Variants in CYRIA observed in about 807,000 individuals in gnomAD.
The protein encoded by CYRIA is CYFIP-related Rac1 interactor A.
A neutral mutation model predicts 43.9 loss-of-function variants in CYRIA; 15 were observed. The ratio of observed to expected loss-of-function variants is 0.34; its 90% confidence interval spans 0.23 to 0.53. CYRIA has a LOEUF of 0.53. Ranked by LOEUF, CYRIA falls within the 20% of genes least tolerant of loss-of-function variation. The pLI is 0.94. For missense variants in CYRIA, 236 were observed against 394.2 expected, an observed-to-expected ratio of 0.60 and a Z score of 3.40; for synonymous variants, 117 against 136.0, an observed-to-expected ratio of 0.86 and a Z score of 0.97.
At chr2:16,614,663 T>C (rs1287190408) in intron 2 of CYRIA, among the ~76,000 whole-genome samples, 2 of 152,160 alleles carry the variant, frequency 1.3e-5, no homozygotes, top group Non-Finnish European at 2.9e-5. Flanking sequence ...GCTCATATCA[T>C]CTGACAACCC....
chr2:16,608,052 A>G (rs981204866), intron 2 of CYRIA, among the ~76,000 whole-genome samples: 3 of 152,140 alleles, frequency 2.0e-5, no homozygotes, highest in Non-Finnish European at 2.9e-5. Context: ...ACTGGCTGTC[A>G]GTGTTTTAGC....
intron 3 of CYRIA, among the ~76,000 whole-genome samples, chr2:16,587,124 CA>C (rs1558415187): frequency 6.6e-6 from 1 of 151,994 alleles, no homozygotes; most frequent in Non-Finnish European, 1.5e-5. Context: ...GGATATATGT[CA>C]AAATCCTGAA....
intron 10 of CYRIA, among the ~76,000 whole-genome samples, 193 bp downstream of exon 10, chr2:16,559,267 A>G (rs1451069662): frequency 1.3e-5 from 2 of 152,056 alleles, no homozygotes; most frequent in Non-Finnish European, 2.9e-5. Flanking sequence ...TGTGCTTTTG[A>G]GGTTGAGTGT....
At chr2:16,561,967 A>G in intron 6 of CYRIA, 38 bp downstream of exon 6, 2 of 1,592,466 alleles carry the variant, frequency 1.3e-6, no homozygotes, top group South Asian at 2.3e-5. Context: ...GGTACTCAGT[A>G]CAAGTTTATT....
chr2:16,587,964 A>G, intron 3 of CYRIA, 86 bp downstream of exon 3: 2 of 825,190 alleles, frequency 2.4e-6, no homozygotes, highest in Non-Finnish European at 3.9e-6. Flanking sequence ...TTCAACTATG[A>G]TATAAATATT....
At chr2:16,638,104 C>T (rs765699034) in intron 1 of CYRIA, among the ~76,000 whole-genome samples, 7 of 152,142 alleles carry the variant, frequency 4.6e-5, no homozygotes, top group Admixed American at 6.5e-5. Context: ...CACACAGTTA[C>T]CGAAGCCTAC....
At chr2:16,632,322 AC>A (rs1214918098) in intron 1 of CYRIA, among the ~76,000 whole-genome samples, 1 of 152,140 alleles carries the variant, frequency 6.6e-6, no homozygotes, top group Non-Finnish European at 1.5e-5. Flanking sequence ...TGCTAAAACT[AC>A]CCTGACAATG....
In CYRIA at chr2:16,549,762, T is replaced by G. The variant is rs999083975; in HGVS notation, c.*3174A>C. ...TCTACTGCACAATTGGATCCTAAGA[T>G]TGGGAGGCTTAATTTTTCTTTGGGG... On this transcript the variant is annotated 3_prime_UTR_variant, in exon 12 of 12. Transcript: ENST00000381323. 6.6e-6 allele frequency: 1 copy of G among 152,138 alleles called. No homozygotes were observed. The highest frequency in any genetic ancestry group is 1.5e-5 in the Non-Finnish European group (1 of 68,020). The allele number at this position is 152,138 out of a possible 1,614,324, so 9.4% of individuals were successfully genotyped here. A position where few individuals can be genotyped will look rare whatever the true frequency, so the allele number is the denominator to read the frequency against.
At chr2:16,618,492 G>GC (rs1199146901) in intron 2 of CYRIA, among the ~76,000 whole-genome samples, 1 of 152,112 alleles carries the variant, frequency 6.6e-6, no homozygotes, top group Non-Finnish European at 1.5e-5. Context: ...AACAAATAGG[G>GC]CCCCTAAGAA....
At chr2:16,575,801 A>G (rs1056584749) in intron 3 of CYRIA, among the ~76,000 whole-genome samples, 6 of 152,012 alleles carry the variant, frequency 3.9e-5, no homozygotes, top group African/African-American at 1.5e-4. Flanking sequence ...GCTTGCAGTG[A>G]GCCGAGATTG....
chr2:16,612,131 C>A (rs1413865375), intron 2 of CYRIA, among the ~76,000 whole-genome samples: 1 of 152,150 alleles, frequency 6.6e-6, no homozygotes, highest in Admixed American at 6.5e-5. Flanking sequence ...CTGGAACTTA[C>A]TTGTGATTGA....
At chr2:16,635,382 G>T (rs1203294924) in intron 1 of CYRIA, among the ~76,000 whole-genome samples, 1 of 152,182 alleles carries the variant, frequency 6.6e-6, no homozygotes, top group Non-Finnish European at 1.5e-5. Context: ...AGGAACCCTG[G>T]GAGGGCAGTG....
In CYRIA at chr2:16,555,124, T is replaced by C; in HGVS notation, c.853A>G (p.Lys285Glu). Residue 285 changes from lysine (K) to glutamate (E), a missense_variant, in exon 11 of 12, where the codon AAA becomes GAA. Physicochemically the swap from Lys to Glu is moderately conservative, Grantham distance 56 (BLOSUM62 1). Coordinates refer to ENST00000381323, the MANE Select transcript of CYRIA (RefSeq NM_030797.4). ...TCTGGGGCCTGCTCCTTCAAAACTT[T>C]TATGCAGCCTTTCATCTAGGAGGAG... ...TSKIDMKGCI[K>E]VLKEQAPDSV... 2 of 1,612,934 alleles carry C rather than the reference T, an allele frequency of 1.2e-6. No individual in the cohort carries two copies. The highest frequency in any genetic ancestry group is 1.7e-6 in the Non-Finnish European group (2 of 1,179,602).
chr2:16,587,982 T>C, intron 3 of CYRIA, 68 bp downstream of exon 3: 2 of 993,318 alleles, frequency 2.0e-6, no homozygotes, highest in Non-Finnish European at 3.1e-6. Context: ...ATTTATGTTA[T>C]AACTTCCTTA....
chr2:16,599,465 G>T (rs1445652659), intron 2 of CYRIA, among the ~76,000 whole-genome samples: 2 of 85,152 alleles, frequency 2.3e-5, no homozygotes, highest in Non-Finnish European at 2.2e-5. Flanking sequence ...TCTGAAAAGC[G>T]CAATATTCGG....
At chr2:16,573,780 A>C (rs926985094) in intron 3 of CYRIA, among the ~76,000 whole-genome samples, 18 of 152,284 alleles carry the variant, frequency 1.2e-4, no homozygotes, top group Admixed American at 1.3e-4. Flanking sequence ...CTTCTGCCAT[A>C]ATTGTGAGGC....
intron 4 of CYRIA, among the ~76,000 whole-genome samples, 199 bp from the exon 5 acceptor site, chr2:16,564,293 G>A (rs1666850984): frequency 6.6e-6 from 1 of 152,056 alleles, no homozygotes; most frequent in South Asian, 2.1e-4. Flanking sequence ...ACAGCAAATG[G>A]CTCTACAATT....
chr2:16,599,961 G>T (rs973351847), intron 2 of CYRIA, among the ~76,000 whole-genome samples: 1 of 152,094 alleles, frequency 6.6e-6, no homozygotes, highest in Non-Finnish European at 1.5e-5. Context: ...TCACCATGTT[G>T]GCCAGGATAG....
intron 6 of CYRIA, 144 bp from the exon 7 acceptor site, chr2:16,561,677 A>G: frequency 1.5e-6 from 1 of 672,536 alleles, no homozygotes; most frequent in Non-Finnish European, 2.5e-6. Context: ...CTGGTTAGAA[A>G]TAAGGACCCA....
Sources: allele counts gnomAD v4.1 joint callset (sites outside exome capture counted in the v4.1 genomes callset), GRCh38; gene constraint gnomAD v4.1.1; transcripts MANE v1.5; gene names NCBI Gene and HGNC (gene_info 2026-07-23, HGNC 2026-07-21).